Variants in S100A16 observed in about 807,000 individuals in gnomAD.
The protein encoded by S100A16 is protein S100-A16.
A neutral mutation model predicts 9.0 loss-of-function variants in S100A16; 8 were observed. That is an observed-to-expected ratio of 0.89 (90% CI 0.52 to 1.60). The LOEUF is 1.60. Ranked by LOEUF, S100A16 falls within the 40% of genes most tolerant of loss-of-function variation. The pLI is 0.00. For synonymous variants in S100A16, 51 were observed against 51.4 expected (o/e 0.99, Z 0.04); for missense variants, 138 against 132.4 (o/e 1.04, Z -0.21).
intron 1 of S100A16, among the ~76,000 whole-genome samples, chr1:153,609,564 A>AT (rs1477707709): frequency 6.6e-6 from 1 of 152,194 alleles, no homozygotes; most frequent in Non-Finnish European, 1.5e-5. Flanking sequence ...TCCTTGAGAC[A>AT]AGCATAGTTT....
chr1:153,609,281 GCC>G, intron 1 of S100A16: 1 of 985,778 alleles, frequency 1.0e-6, no homozygotes, highest in Non-Finnish European at 1.2e-6. Flanking sequence ...GCTCGGTCAG[GCC>G]CCACCACAGC....
chr1:153,608,097 A>C lies in S100A16; in HGVS notation c.55T>G (p.Phe19Val), dbSNP rs1183596330. 6.2e-7 allele frequency: 1 copy of C among 1,614,036 alleles called. No individual in the cohort carries two copies. The highest frequency in any genetic ancestry group is 1.1e-5 in the South Asian group (1 of 91,080). Residue 19 changes from phenylalanine to valine, a missense_variant, in exon 2 of 3, where the codon TTC (phenylalanine) becomes GTC (valine). Physicochemically the swap from Phe to Val is conservative, Grantham distance 50. Coordinates refer to ENST00000368706, the MANE Select transcript of S100A16 (RefSeq NM_080388.3). ...CTGTACTTAGACACATATTTGTAGAAGTTTTCCACCAGGACAATGACTGCC... is the reference window on the plus strand; with the variant it reads ...CTGTACTTAGACACATATTTGTAGACGTTTTCCACCAGGACAATGACTGCC... Reference protein sequence around the residue: ...EKAVIVLVENFYKYVSKYSLV... With the variant: ...EKAVIVLVENVYKYVSKYSLV...
Position 153,607,200 on chromosome 1 carries a change from G to C in S100A16, c.*334C>G. The C allele has an allele frequency of 2.3e-6, 1 of 430,538 alleles. No homozygotes were observed. The highest frequency in any genetic ancestry group is 2.0e-5 in the South Asian group (1 of 50,992). 26.7% of individuals were successfully genotyped at this position (430,538 alleles called of 1,614,324 possible). Reference sequence around the variant, plus strand: ...ACCTTTGGAGGTCAGGACGGACCCAGAATCAGGCAGGAATTTGGCAGGAAC... The same window carrying C: ...ACCTTTGGAGGTCAGGACGGACCCACAATCAGGCAGGAATTTGGCAGGAAC... On this transcript the variant is annotated 3_prime_UTR_variant, in exon 3 of 3. Transcript: ENST00000368706.
chr1:153,609,298 T>C, intron 1 of S100A16: 1 of 986,022 alleles, frequency 1.0e-6, no homozygotes, highest in South Asian at 4.7e-5. Flanking sequence ...CACAGCCTCC[T>C]GTCCTGCCAC....
intron 2 of S100A16, 35 bp from the exon 3 acceptor site, chr1:153,607,727 G>A (rs1448976264): frequency 5.0e-6 from 8 of 1,613,286 alleles, no homozygotes; most frequent in Non-Finnish European, 6.8e-6. Context: ...TGCTGATGGT[G>A]GAAGCCCCAG....
intron 1 of S100A16, 27 bp from the exon 2 acceptor site, chr1:153,608,204 G>T: frequency 6.2e-7 from 1 of 1,601,270 alleles, no homozygotes; most frequent in Non-Finnish European, 8.5e-7. Context: ...GGGGAGATGA[G>T]AAGAGACACC....
At position 153,608,902 on chromosome 1, in the gene S100A16, A is replaced by C. The variant is rs372556896; in HGVS notation, c.-26-725T>G. On this transcript the variant is annotated intron_variant, in intron 1 of 2. Coordinates refer to ENST00000368706, the MANE Select transcript of S100A16 (RefSeq NM_080388.3). ...ACCCCCACCCACACATCGTTACCTA[A>C]GGCGGGGGCCAAGCCCAGTTACAGC... is the stretch of plus-strand genomic sequence containing the variant. The C allele has an allele frequency of 3.8e-5, 37 of 985,678 alleles. No homozygotes were observed. The East Asian group carries it at 2.6e-3, about 69-fold the overall frequency. The allele number at this position is 985,678 out of a possible 1,614,324, so 61.1% of individuals were successfully genotyped here.
At chr1:153,608,594 T>C (rs969646923) in intron 1 of S100A16, among the ~76,000 whole-genome samples, 2 of 151,992 alleles carry the variant, frequency 1.3e-5, no homozygotes, top group African/African-American at 4.8e-5. Flanking sequence ...GGATGAGCCA[T>C]GGAGGTTAGG....
At chr1:153,607,795 C>G in intron 2 of S100A16, 103 bp from the exon 3 acceptor site, 1 of 1,448,018 alleles carries the variant, frequency 6.9e-7, no homozygotes, top group Non-Finnish European at 9.5e-7. Flanking sequence ...ACAGCTGCTT[C>G]CCTTGGGAAA....
rs1042943420 is a variant in S100A16, at chr1:153,607,345, C to G, written c.*189G>C. 1.4e-6 allele frequency: 1 copy of G among 693,278 alleles called. No homozygotes were observed. The allele number at this position is 693,278 out of a possible 1,614,324, so 42.9% of individuals were successfully genotyped here. A position where few individuals can be genotyped will look rare whatever the true frequency, so the allele number is the denominator to read the frequency against. Reference sequence around the variant, plus strand: ...CTGCGACTCCAGGAGCTGAGACCCCCCAGGGAGGGAGGTACCTCTAGACTG... The same window carrying G: ...CTGCGACTCCAGGAGCTGAGACCCCGCAGGGAGGGAGGTACCTCTAGACTG... On this transcript the variant is annotated 3_prime_UTR_variant, in exon 3 of 3. Transcript: ENST00000368706.
rs561798107 is a variant in S100A16, at chr1:153,607,069, G to C, written c.*465C>G. ...TGAAAGTGCCTCTCTACCCAGCAGAGGGGCTAAGGGAAAGTGGAGAGGTCT... is the reference window on the plus strand; with the variant it reads ...TGAAAGTGCCTCTCTACCCAGCAGACGGGCTAAGGGAAAGTGGAGAGGTCT... On this transcript the variant is annotated 3_prime_UTR_variant, in exon 3 of 3. Transcript: ENST00000368706. The C allele has an allele frequency of 1.7e-4, 70 of 407,072 alleles. 2 individuals carry two copies. Among genetic ancestry groups the C allele is most frequent in the South Asian group, 1.2e-3 (69 of 55,242 alleles). The allele number at this position is 407,072 out of a possible 1,614,324, so 25.2% of individuals were successfully genotyped here. A position where few individuals can be genotyped will look rare whatever the true frequency, so the allele number is the denominator to read the frequency against.
intron 1 of S100A16, among the ~76,000 whole-genome samples, chr1:153,610,783 G>A (rs913461407): frequency 2.0e-5 from 3 of 152,010 alleles, no homozygotes; most frequent in African/African-American, 7.3e-5. Flanking sequence ...TCCCCTGGAG[G>A]CCAGGAGACA....
chr1:153,607,841 C>A, intron 2 of S100A16, 149 bp from the exon 3 acceptor site: 2 of 1,212,148 alleles, frequency 1.6e-6, no homozygotes, highest in South Asian at 2.8e-5. Context: ...GCCTAAGCAT[C>A]CTGAGAAGAC....
chr1:153,607,502 C>G lies in S100A16; in HGVS notation c.*32G>C. ...GAGAGCACCAGGGCGGGGCATCAGG[C>G]CAGTGCCTGGAAGGTGTGGCCAAAG... On this transcript the variant is annotated 3_prime_UTR_variant, in exon 3 of 3. Coordinates refer to ENST00000368706, the MANE Select transcript of S100A16 (RefSeq NM_080388.3). 1.2e-6 allele frequency: 2 copies of G among 1,613,316 alleles called. No homozygotes were observed. The highest frequency in any genetic ancestry group is 1.1e-5 in the South Asian group (1 of 91,034).
In S100A16 at chr1:153,612,253, A is replaced by C. The variant is rs533055870; in HGVS notation, c.-27+699T>G. Among the ~76,000 whole-genome samples the C allele has an allele frequency of 4.4e-4, 67 of 152,204 alleles. No homozygotes were observed. In the South Asian group the frequency reaches 0.013, roughly 30 times the overall value. ...TCCCATAGTGCAGGTGGCTCTGCCA[A>C]GAAAAGCAGCTCAAGCCGGGGCCTG... is the stretch of plus-strand genomic sequence containing the variant. On this transcript the variant is annotated intron_variant, in intron 1 of 2. Coordinates refer to ENST00000368706, the MANE Select transcript of S100A16 (RefSeq NM_080388.3).
At chr1:153,609,408 G>A (rs1053137854) in intron 1 of S100A16, 14 of 972,330 alleles carry the variant, frequency 1.4e-5, no homozygotes, top group South Asian at 9.5e-5. Flanking sequence ...CCCAAGCCAC[G>A]CCTCCGAAGG....
chr1:153,607,861 G>A, intron 2 of S100A16, 138 bp downstream of exon 2: 1 of 1,183,672 alleles, frequency 8.4e-7, no homozygotes, highest in East Asian at 2.4e-5. Context: ...CAGAGGCCTG[G>A]GGGTGTAGAA....
At position 153,607,097 on chromosome 1, in the gene S100A16, G is replaced by T; in HGVS notation, c.*437C>A. The stretch of plus-strand genomic sequence containing the variant: ...GCTAAGGGAAAGTGGAGAGGTCTCT[G>T]CTGCTGCTGCTGCTGCTGCTGCTGC... On this transcript the variant is annotated 3_prime_UTR_variant, in exon 3 of 3. Coordinates refer to ENST00000368706, the MANE Select transcript of S100A16 (RefSeq NM_080388.3). 3.5e-6 allele frequency: 1 copy of T among 289,022 alleles called. No homozygotes were observed. The allele number at this position is 289,022 out of a possible 1,614,324, so 17.9% of individuals were successfully genotyped here. A position where few individuals can be genotyped will look rare whatever the true frequency, so the allele number is the denominator to read the frequency against.
intron 1 of S100A16, among the ~76,000 whole-genome samples, chr1:153,611,917 T>A (rs78258145): frequency 0.012 from 1,743 of 140,854 alleles, 21 homozygotes; most frequent in South Asian, 0.049. Flanking sequence ...TGTCTCTCTC[T>A]CACACACACA....
Sources: gnomAD v4.1 joint callset for allele counts (sites outside exome capture counted in the v4.1 genomes callset) on GRCh38, gnomAD v4.1.1 for gene constraint, MANE v1.5 for transcripts, NCBI Gene and HGNC (gene_info 2026-07-23, HGNC 2026-07-21) for gene names.